Variants in UGGT2 observed in about 807,000 individuals in gnomAD.
The protein encoded by UGGT2 is UDP-glucose:glycoprotein glucosyltransferase 2.
UGGT2 carries 180 observed loss-of-function variants against 192.1 expected under a neutral mutation model. The ratio of observed to expected loss-of-function variants is 0.94; its 90% CI spans 0.83 to 1.06. UGGT2 has a LOEUF of 1.06. Among genes scored for constraint, UGGT2 ranks in the 50% least tolerant of loss-of-function variants. The probability of loss-of-function intolerance (pLI) is 0.00; values close to 1 mark genes in which losing one functional copy is unlikely to be tolerated. For synonymous variants in UGGT2, 580 were observed against 591.0 expected, an observed-to-expected ratio of 0.98 and a Z score of 0.27; for missense variants, 1,849 against 1,795.7, an observed-to-expected ratio of 1.03 and a Z score of -0.54.
At chr13:95,865,891 G>A (rs1322113098) in intron 30 of UGGT2, among the ~76,000 whole-genome samples, 1 of 152,092 alleles carries the variant, frequency 6.6e-6, no homozygotes. Context: ...GTCCTGTAAG[G>A]TATATTCTAT....
intron 36 of UGGT2, among the ~76,000 whole-genome samples, chr13:95,846,324 CTGAGGCAGGA>C (rs1017981557): frequency 6.6e-6 from 1 of 151,748 alleles, no homozygotes; most frequent in Non-Finnish European, 1.5e-5. Flanking sequence ...ACTCGGCAGG[CTGAGGCAGGA>C]GAATCACGCA....
chr13:96,032,343 A>G (rs758365841), intron 1 of UGGT2, among the ~76,000 whole-genome samples: 12 of 152,112 alleles, frequency 7.9e-5, no homozygotes, highest in Non-Finnish European at 1.3e-4. Context: ...GGTAAAAAGT[A>G]GAAAAAAAAG....
chr13:96,017,067 G>T (rs770107991), intron 4 of UGGT2, among the ~76,000 whole-genome samples: 4 of 152,132 alleles, frequency 2.6e-5, no homozygotes, highest in Non-Finnish European at 5.9e-5. Context: ...TCTTTTGGCC[G>T]ATTTCTCCCT....
At chr13:95,900,673 T>G in intron 22 of UGGT2, 134 bp downstream of exon 22, 1 of 852,334 alleles carries the variant, frequency 1.2e-6, no homozygotes, top group Non-Finnish European at 1.7e-6. Flanking sequence ...TGCTGAGTTG[T>G]GTCTGGTGTC....
At chr13:95,996,293 C>T (rs941844480) in intron 6 of UGGT2, among the ~76,000 whole-genome samples, 158 bp from the exon 7 acceptor site, 1 of 152,006 alleles carries the variant, frequency 6.6e-6, no homozygotes. Flanking sequence ...CTTGAGCTCA[C>T]GAGTTCAAGA....
At chr13:95,828,834 C>T (rs559244311) in intron 38 of UGGT2, among the ~76,000 whole-genome samples, 10 of 152,228 alleles carry the variant, frequency 6.6e-5, no homozygotes, top group Non-Finnish European at 7.4e-5. Context: ...ACAGCATCAT[C>T]CTGATACCAA....
intron 32 of UGGT2, 22 bp from the exon 33 acceptor site, chr13:95,859,697 C>T (rs1387779260): frequency 3.2e-6 from 5 of 1,539,598 alleles, no homozygotes; most frequent in Non-Finnish European, 4.4e-6. Flanking sequence ...AATATTAAAC[C>T]CAATATACAT....
At chr13:96,013,065 T>A (rs934978026) in intron 5 of UGGT2, among the ~76,000 whole-genome samples, 1 of 152,064 alleles carries the variant, frequency 6.6e-6, no homozygotes, top group Non-Finnish European at 1.5e-5. Flanking sequence ...TTGAAGTATG[T>A]TTTTGTTTTT....
Position 95,988,722 on chromosome 13 carries a change from G to C in UGGT2, c.931+1251C>G, listed in dbSNP as rs144693409. Among the ~76,000 whole-genome samples the C allele has an allele frequency of 2.6e-5, 4 of 152,052 alleles. No homozygotes were observed. In the East Asian group the frequency reaches 7.7e-4, roughly 29 times the overall value. ...ATAGCAGAAGTTATAAAACTTAATAGATTGTGTCTTGCACATTCTGCTATA... is the reference window on the plus strand; with the variant it reads ...ATAGCAGAAGTTATAAAACTTAATACATTGTGTCTTGCACATTCTGCTATA... On this transcript the variant is annotated intron_variant, in intron 8 of 38. Coordinates refer to ENST00000376747, the MANE Select transcript of UGGT2 (RefSeq NM_020121.4).
In UGGT2 at chr13:96,013,465, ATAGATAAGGTC is replaced by A. The variant is rs754914604; in HGVS notation, c.491_501del (p.Arg164IlefsTer2). ...GTAGGAAATTTGTGATCTCCTTTAA[ATAGATAAGGTC>A]TAGTCCTAAGATAAAAGCAAAACAC... On this transcript the variant is annotated frameshift_variant, in exon 5 of 39. Coordinates refer to ENST00000376747, the MANE Select transcript of UGGT2 (RefSeq NM_020121.4). LOFTEE classifies it high-confidence loss of function. 1.3e-5 allele frequency: 21 copies of A among 1,583,070 alleles called. No individual in the cohort carries two copies. The South Asian group carries it at 1.9e-4, about 14-fold the overall frequency.
At chr13:95,962,938 G>A (rs1442527737) in intron 12 of UGGT2, among the ~76,000 whole-genome samples, 1 of 152,074 alleles carries the variant, frequency 6.6e-6, no homozygotes, top group Non-Finnish European at 1.5e-5. Context: ...ATGGCAGCAA[G>A]CAAAAAGAGA....
At chr13:95,806,465 C>T (rs748760261) in intron 38 of UGGT2, among the ~76,000 whole-genome samples, 1 of 152,144 alleles carries the variant, frequency 6.6e-6, no homozygotes, top group Non-Finnish European at 1.5e-5. Context: ...GAAGAAAGAA[C>T]ATCAGACGGC....
At position 95,833,066 on chromosome 13, in the gene UGGT2, G is replaced by A. The variant is rs1886896901; in HGVS notation, c.4402-13C>T. On this transcript the variant is annotated splice_polypyrimidine_tract_variant and intron_variant, in intron 37 of 38. Transcript: ENST00000376747. Reference sequence around the variant, plus strand: ...TGGGATTATTGCACTAAAAGTTTAAGTAAATTTTGTTAATGAAAGACCATG... The same window carrying A: ...TGGGATTATTGCACTAAAAGTTTAAATAAATTTTGTTAATGAAAGACCATG... The A allele has an allele frequency of 5.0e-6, 8 of 1,609,308 alleles. No homozygotes were observed. Among genetic ancestry groups the A allele is most frequent in the Non-Finnish European group, 6.8e-6 (8 of 1,177,166 alleles).
rs182879600 is a variant in UGGT2, at chr13:95,887,421, A to G, written c.3038+471T>C. ...TGAGAGAGAATGTTATTTCAACAGA[A>G]GAGTGTTAATGAGGAATATTTGTAT... is the stretch of plus-strand genomic sequence containing the variant. On this transcript the variant is annotated intron_variant, in intron 26 of 38. Coordinates refer to ENST00000376747, the MANE Select transcript of UGGT2 (RefSeq NM_020121.4). 30 of 424,728 alleles carry G rather than the reference A, an allele frequency of 7.1e-5. No homozygotes were observed. In the Middle Eastern group the frequency reaches 1.7e-3, roughly 25 times the overall value. 26.3% of individuals were successfully genotyped at this position (424,728 alleles called of 1,614,324 possible). A position where few individuals can be genotyped will look rare whatever the true frequency, so the allele number is the denominator to read the frequency against.
intron 36 of UGGT2, among the ~76,000 whole-genome samples, chr13:95,845,768 G>A (rs889918408): frequency 6.3e-5 from 9 of 143,282 alleles, no homozygotes; most frequent in African/African-American, 2.4e-4. Context: ...ACACTCCTCA[G>A]TTCCCAGACG....
At chr13:96,043,796 C>T (rs2053230955) in intron 1 of UGGT2, among the ~76,000 whole-genome samples, 1 of 151,988 alleles carries the variant, frequency 6.6e-6, no homozygotes, top group South Asian at 2.1e-4. Flanking sequence ...TGATAAAAGG[C>T]CTTGTCCAAC....
At position 95,983,714 on chromosome 13, in the gene UGGT2, A is replaced by G. The variant is rs1033731704; in HGVS notation, c.1092+90T>C. The G allele has an allele frequency of 1.5e-5, 15 of 990,254 alleles. No homozygotes were observed. The South Asian group carries it at 1.8e-4, about 12-fold the overall frequency. 61.3% of individuals were successfully genotyped at this position (990,254 alleles called of 1,614,324 possible). A position where few individuals can be genotyped will look rare whatever the true frequency, so the allele number is the denominator to read the frequency against. On this transcript the variant is annotated intron_variant, in intron 10 of 38. Transcript: ENST00000376747. ...AATAATCAAAAAAGCACAAATTACT[A>G]TTTCCTTTTTTGTATGAATATTGAA...
At chr13:96,011,768 T>C (rs991253059) in intron 5 of UGGT2, among the ~76,000 whole-genome samples, 5 of 152,086 alleles carry the variant, frequency 3.3e-5, no homozygotes, top group Non-Finnish European at 7.4e-5. Context: ...TGTGTGATTG[T>C]TGAAACCCAA....
intron 36 of UGGT2, among the ~76,000 whole-genome samples, chr13:95,846,295 C>T (rs542205214): frequency 1.2e-3 from 180 of 152,232 alleles, no homozygotes; most frequent in Middle Eastern, 3.4e-3. Flanking sequence ...CGTGGCAGCG[C>T]GCGCCTGCAA....
Sources: allele counts gnomAD v4.1 joint callset (sites outside exome capture counted in the v4.1 genomes callset), GRCh38; gene constraint gnomAD v4.1.1; transcripts MANE v1.5; gene names NCBI Gene and HGNC (gene_info 2026-07-23, HGNC 2026-07-21).